Variants in MAP3K2 observed in about 807,000 individuals in gnomAD.
The protein encoded by MAP3K2 is mitogen-activated protein kinase kinase kinase 2.
A neutral mutation model predicts 80.3 loss-of-function variants in MAP3K2; 24 were observed. The observed-to-expected ratio is 0.30, with a 90% CI of 0.22 to 0.42. The LOEUF is 0.42. Ranked by LOEUF, MAP3K2 falls within the 10% of genes least tolerant of loss-of-function variation. The pLI, the probability that MAP3K2 is intolerant of heterozygous loss-of-function variation, is 1.00. For synonymous variants in MAP3K2, 244 were observed against 253.7 expected (o/e 0.96, Z 0.36); for missense variants, 608 against 750.1 (o/e 0.81, Z 2.21).
chr2:127,318,363 A>C, intron 12 of MAP3K2, 46 bp from the exon 13 acceptor site: 1 of 1,476,470 alleles, frequency 6.8e-7, no homozygotes, highest in Non-Finnish European at 9.0e-7. Context: ...ACAGCACACA[A>C]ATAAATGGTT....
chr2:127,388,015 TGC>T, upstream of MAP3K2: 8 of 982,912 alleles, frequency 8.1e-6, no homozygotes, highest in Non-Finnish European at 9.6e-6. Context: ...CGCTCGCTCG[TGC>T]GCGCGCACCC....
intron 1 of MAP3K2, among the ~76,000 whole-genome samples, chr2:127,384,930 G>A (rs1003206559): frequency 1.1e-4 from 16 of 151,992 alleles, no homozygotes; most frequent in Non-Finnish European, 4.4e-5. Flanking sequence ...ACCCCATTAC[G>A]CCTGGACAGA....
Position 127,364,589 on chromosome 2 carries a change from T to C in MAP3K2, c.-65-21395A>G, listed in dbSNP as rs114758220. 6.0e-4 allele frequency among the ~76,000 whole-genome samples: 91 copies of C among 152,232 alleles called. No individual in the cohort carries two copies. The highest frequency in any genetic ancestry group is 2.0e-3 in the African/African-American group (85 of 41,530). ...TACACTGGAATGACAGCACTTGCCA[T>C]CTCTCCACTCATCACACAGTCACCT... On this transcript the variant is annotated intron_variant, in intron 1 of 16. Coordinates refer to ENST00000682094, the MANE Select transcript of MAP3K2 (RefSeq NM_001371910.2). The surrounding 1 kb of genome is among the most constrained non-coding windows in gnomAD (Gnocchi z 4.1).
rs2104793201 is a variant in MAP3K2 at position 127,300,174 on chromosome 2, T to A, written c.*7405A>T. The A allele has an allele frequency of 6.6e-6, 1 of 152,184 alleles. No individual in the cohort carries two copies. The highest frequency in any genetic ancestry group is 2.1e-4 in the South Asian group (1 of 4,812). 9.4% of individuals were successfully genotyped at this position (152,184 alleles called of 1,614,324 possible). On this transcript the variant is annotated 3_prime_UTR_variant, in exon 17 of 17. Coordinates refer to ENST00000682094, the MANE Select transcript of MAP3K2 (RefSeq NM_001371910.2). The stretch of plus-strand genomic sequence containing the variant: ...ACTGATGGCTACATCTTGAAAGAAG[T>A]TAAAACATAAAGACACAGACAGTAG...
At chr2:127,350,574 T>C (rs1361350895) in intron 1 of MAP3K2, among the ~76,000 whole-genome samples, 2 of 151,370 alleles carry the variant, frequency 1.3e-5, no homozygotes, top group African/African-American at 4.9e-5. Context: ...AACTAATGAA[T>C]GTAATAAAAT....
chr2:127,338,905 T>TA (rs1312327293), intron 3 of MAP3K2, 27 bp downstream of exon 3: 3 of 1,439,142 alleles, frequency 2.1e-6, no homozygotes, highest in Non-Finnish European at 2.9e-6. Flanking sequence ...AAGTAATTCA[T>TA]AAAAAAATAC....
chr2:127,318,487 T>C (rs1156535962), intron 12 of MAP3K2, among the ~76,000 whole-genome samples, 170 bp from the exon 13 acceptor site: 1 of 152,250 alleles, frequency 6.6e-6, no homozygotes, highest in East Asian at 1.9e-4. Context: ...TTTTTCTCTT[T>C]CGTCAATTTT....
At chr2:127,356,892 C>G in intron 1 of MAP3K2, among the ~76,000 whole-genome samples, 1 of 152,106 alleles carries the variant, frequency 6.6e-6, no homozygotes, top group East Asian at 1.9e-4. Flanking sequence ...CTTAGTTGAA[C>G]TAAAAAGCTT....
At position 127,321,609 on chromosome 2, in the gene MAP3K2, T is replaced by G. The variant is rs1686020984; in HGVS notation, c.1045+437A>C. Reference sequence around the variant, plus strand: ...AGATACTCCCACATCAGCCAAAAATTGAACTATTCCCCATTTTTAGATGAT... The same window carrying G: ...AGATACTCCCACATCAGCCAAAAATGGAACTATTCCCCATTTTTAGATGAT... On this transcript the variant is annotated intron_variant, in intron 12 of 16. Coordinates refer to ENST00000682094, the MANE Select transcript of MAP3K2 (RefSeq NM_001371910.2). This position sits in a 1 kb window ranked among gnomAD's most constrained non-coding sequence, Gnocchi z 4.4. Among the ~76,000 whole-genome samples the G allele has an allele frequency of 6.6e-6, 1 of 152,252 alleles. No homozygotes were observed. Among genetic ancestry groups the G allele is most frequent in the Non-Finnish European group, 1.5e-5 (1 of 68,046 alleles).
At chr2:127,361,335 T>C (rs1261881352) in intron 1 of MAP3K2, among the ~76,000 whole-genome samples, 1 of 133,708 alleles carries the variant, frequency 7.5e-6, no homozygotes, top group Non-Finnish European at 1.6e-5. Context: ...AAAAAAAAAA[T>C]TAAAAGGGAA....
chr2:127,334,900 A>AG (rs1485816358), intron 5 of MAP3K2, among the ~76,000 whole-genome samples: 1 of 151,614 alleles, frequency 6.6e-6, no homozygotes, highest in Non-Finnish European at 1.5e-5. Context: ...CCTCCCAGGT[A>AG]GCTGGAACTA....
intron 1 of MAP3K2, among the ~76,000 whole-genome samples, chr2:127,367,043 G>C (rs547778107): frequency 6.6e-6 from 1 of 151,740 alleles, no homozygotes; most frequent in Non-Finnish European, 1.5e-5. Context: ...GCTAATTTTT[G>C]TATTTTTATT....
At chr2:127,353,500 C>T (rs1307340808) in intron 1 of MAP3K2, among the ~76,000 whole-genome samples, 4 of 151,814 alleles carry the variant, frequency 2.6e-5, no homozygotes, top group Non-Finnish European at 5.9e-5. Flanking sequence ...CCCCTCCGCC[C>T]GGCAGCCGCC....
intron 1 of MAP3K2, among the ~76,000 whole-genome samples, chr2:127,352,322 G>C (rs1686705467): frequency 6.6e-6 from 1 of 152,120 alleles, no homozygotes; most frequent in African/African-American, 2.4e-5. Flanking sequence ...TTAAATACCG[G>C]TAGGCTAAAA....
intron 2 of MAP3K2, among the ~76,000 whole-genome samples, chr2:127,342,228 A>C (rs541980479): frequency 6.6e-6 from 1 of 152,204 alleles, no homozygotes; most frequent in South Asian, 2.1e-4. Context: ...TTTGGGCTAC[A>C]AGGGGGCACT....
At chr2:127,383,826 C>G (rs1469260816) in intron 1 of MAP3K2, among the ~76,000 whole-genome samples, 1 of 151,914 alleles carries the variant, frequency 6.6e-6, no homozygotes, top group South Asian at 2.1e-4. Flanking sequence ...ATTAGGCTAG[C>G]CTGAGCCAGG....
chr2:127,319,650 CA>C (rs57472022), intron 12 of MAP3K2, among the ~76,000 whole-genome samples: 320 of 71,828 alleles, frequency 4.5e-3, no homozygotes, highest in African/African-American at 0.017. Context: ...ACTAAAAATA[CA>C]AAAAAAAAAA....
At position 127,303,272 on chromosome 2, in the gene MAP3K2, A is replaced by C. The variant is rs1180040053; in HGVS notation, c.*4307T>G. On this transcript the variant is annotated 3_prime_UTR_variant, in exon 17 of 17. Transcript: ENST00000682094. The stretch of plus-strand genomic sequence containing the variant: ...TCAATTTCTATCAAATGTTTTGGGT[A>C]TTTTCACAATTTAGACCAAAATAAA... The C allele has an allele frequency of 6.6e-6, 1 of 151,510 alleles. No homozygotes were observed. Among genetic ancestry groups the C allele is most frequent in the Admixed American group, 6.6e-5 (1 of 15,134 alleles). The allele number at this position is 151,510 out of a possible 1,614,324, so 9.4% of individuals were successfully genotyped here. A position where few individuals can be genotyped will look rare whatever the true frequency, so the allele number is the denominator to read the frequency against.
intron 1 of MAP3K2, among the ~76,000 whole-genome samples, chr2:127,347,205 A>C (rs1423780845): frequency 6.6e-6 from 1 of 152,094 alleles, no homozygotes; most frequent in African/African-American, 2.4e-5. Flanking sequence ...CTCTTGCCAC[A>C]CATCTATTTA....
Sources: allele counts gnomAD v4.1 joint callset (sites outside exome capture counted in the v4.1 genomes callset), GRCh38; gene constraint gnomAD v4.1.1; non-coding constraint Gnocchi (gnomAD v3.1); transcripts MANE v1.5; gene names NCBI Gene and HGNC (gene_info 2026-07-23, HGNC 2026-07-21).